Variants in MCM2 observed in about 807,000 individuals in gnomAD.
The protein encoded by MCM2 is DNA replication licensing factor MCM2.
MCM2 carries 49 observed loss-of-function variants against 86.4 expected under a neutral mutation model. The ratio of observed to expected loss-of-function variants is 0.57; its 90% CI spans 0.45 to 0.72. The LOEUF (loss-of-function observed/expected upper bound fraction) is 0.72. Ranked by LOEUF, MCM2 falls within the 30% of genes least tolerant of loss-of-function variation. The pLI, the probability that MCM2 is intolerant of heterozygous loss-of-function variation, is 0.00. For missense variants in MCM2, 1,038 were observed against 1,259.9 expected, an observed-to-expected ratio of 0.82 and a Z score of 2.67; for synonymous variants, 475 against 484.6, an observed-to-expected ratio of 0.98 and a Z score of 0.26.
At chr3:127,601,489 T>C (rs947770439) in intron 2 of MCM2, among the ~76,000 whole-genome samples, 7 of 152,154 alleles carry the variant, frequency 4.6e-5, no homozygotes, top group Non-Finnish European at 8.8e-5. Context: ...GCCTCCCAAG[T>C]AGCTGGGATC....
chr3:127,599,251 TA>T, intron 1 of MCM2, 66 bp from the exon 2 acceptor site: 1 of 1,370,706 alleles, frequency 7.3e-7, no homozygotes, highest in Non-Finnish European at 1.0e-6. Flanking sequence ...CCCCTGATGG[TA>T]AAAAGGAAGC....
chr3:127,621,651 TC>T lies in MCM2; in HGVS notation c.2605-10del, dbSNP rs1553743559. 4 of 1,589,734 alleles carry T rather than the reference TC, an allele frequency of 2.5e-6. No homozygotes were observed. Among genetic ancestry groups the T allele is most frequent in the Non-Finnish European group, 3.5e-6 (4 of 1,158,090 alleles). On this transcript the variant is annotated splice_polypyrimidine_tract_variant and intron_variant, in intron 15 of 15. Coordinates refer to ENST00000265056, the MANE Select transcript of MCM2 (RefSeq NM_004526.4). The stretch of plus-strand genomic sequence containing the variant: ...CACCACTGATGGCTCACTGGACACT[TC>T]CTCCTTGCAGGCTCGTCAGATCAAC...
chr3:127,605,009 G>A lies in MCM2; in HGVS notation c.526G>A (p.Asp176Asn), dbSNP rs760479109. 2 of 1,613,934 alleles carry A rather than the reference G, an allele frequency of 1.2e-6. No homozygotes were observed. Among genetic ancestry groups the A allele is most frequent in the African/African-American group, 2.7e-5 (2 of 74,948 alleles). Reference protein sequence around the residue: ...EMIESIENLEDLKGHSVREWV... With the variant: ...EMIESIENLENLKGHSVREWV... Reference sequence around the variant, plus strand: ...GATCGAGAGCATCGAGAACCTGGAGGATCTCAAAGGCCACTCTGTGCGCGA... The same window carrying A: ...GATCGAGAGCATCGAGAACCTGGAGAATCTCAAAGGCCACTCTGTGCGCGA... Residue 176 changes from aspartate to asparagine, a missense_variant, in exon 4 of 16, where the codon GAT becomes AAT. Physicochemically the swap from Asp to Asn is conservative, Grantham distance 23. Around this residue, in one of 4 missense-constraint regions of MCM2, gnomAD observed 300 missense variants for 307.4 expected, o/e 0.98. Transcript: ENST00000265056.
At chr3:127,612,155 A>T (rs2074403440) in intron 8 of MCM2, among the ~76,000 whole-genome samples, 3 of 152,248 alleles carry the variant, frequency 2.0e-5, no homozygotes, top group Admixed American at 1.3e-4. Context: ...GAGCTGAGGC[A>T]TAGCTGCCCT....
chr3:127,605,113 C>A lies in MCM2; in HGVS notation c.630C>A (p.His210Gln). Residue 210 changes from histidine to glutamine, a missense_variant, in exon 4 of 16, where the codon CAC becomes CAA. His to Gln is a conservative substitution (Grantham distance 24). Around this residue, in one of 4 missense-constraint regions of MCM2, gnomAD observed 399 missense variants for 507.2 expected, o/e 0.79. Coordinates refer to ENST00000265056, the MANE Select transcript of MCM2 (RefSeq NM_004526.4). The stretch of plus-strand genomic sequence containing the variant: ...TCCTGCGCACTCACGTCGACAGCCA[C>A]GGCCACAACGTCTTCAAGGAGCGCA... ...KNFLRTHVDS[H>Q]GHNVFKERIS... 6.2e-7 allele frequency: 1 copy of A among 1,614,140 alleles called. No homozygotes were observed. The highest frequency in any genetic ancestry group is 1.3e-5 in the African/African-American group (1 of 75,058).
chr3:127,601,011 C>T (rs748045694), intron 2 of MCM2, among the ~76,000 whole-genome samples: 1 of 152,116 alleles, frequency 6.6e-6, no homozygotes, highest in African/African-American at 2.4e-5. Context: ...GAGAACAGGG[C>T]CGTTTTCCCA....
chr3:127,611,895 T>G (rs1210119171), intron 8 of MCM2, among the ~76,000 whole-genome samples: 1 of 149,926 alleles, frequency 6.7e-6, no homozygotes, highest in African/African-American at 2.5e-5. Context: ...GAGACGGGGT[T>G]TCACCGTTTT....
Position 127,611,062 on chromosome 3 carries a change from A to G in MCM2, c.1428+2039A>G, listed in dbSNP as rs192563764. 7 of 428,798 alleles carry G rather than the reference A, an allele frequency of 1.6e-5. No homozygotes were observed. The East Asian group carries it at 5.0e-4, about 31-fold the overall frequency. 26.6% of individuals were successfully genotyped at this position (428,798 alleles called of 1,614,324 possible). A position where few individuals can be genotyped will look rare whatever the true frequency, so the allele number is the denominator to read the frequency against. ...TTCCCAATAATAGGAAATAGACAAG[A>G]TCTTTTCATGTAGTTTTACATGCGA... On this transcript the variant is annotated intron_variant, in intron 8 of 15. Coordinates refer to ENST00000265056, the MANE Select transcript of MCM2 (RefSeq NM_004526.4).
Position 127,617,044 on chromosome 3 carries a change from A to G in MCM2, c.1699A>G (p.Arg567Gly). The G allele has an allele frequency of 6.2e-7, 1 of 1,614,164 alleles. No homozygotes were observed. The highest frequency in any genetic ancestry group is 8.5e-7 in the Non-Finnish European group (1 of 1,180,028). ...TAYVQRHPVS[R>G]EWTLEAGALV... ...GTATGTCCAGCGGCACCCTGTCAGCAGGGAGTGGACCTTGGAGGCTGGGGC... is the reference window on the plus strand; with the variant it reads ...GTATGTCCAGCGGCACCCTGTCAGCGGGGAGTGGACCTTGGAGGCTGGGGC... Residue 567 changes from arginine (R) to glycine (G), a missense_variant, in exon 10 of 16, where the codon AGG (arginine) becomes GGG (glycine). Arg to Gly is a moderately radical substitution (Grantham distance 125). Transcript: ENST00000265056. This position sits in a 1 kb window ranked among gnomAD's most constrained non-coding sequence, Gnocchi z 4.1.
Position 127,617,119 on chromosome 3 carries a change from G to A in MCM2, c.1773+1G>A. 6.2e-7 allele frequency: 1 copy of A among 1,612,630 alleles called. No homozygotes were observed. Among genetic ancestry groups the A allele is most frequent in the Non-Finnish European group, 8.5e-7 (1 of 1,178,856 alleles). On this transcript the variant is annotated splice_donor_variant, in intron 10 of 15. Transcript: ENST00000265056. LOFTEE classifies it high-confidence loss of function. This position sits in a 1 kb window ranked among gnomAD's most constrained non-coding sequence, Gnocchi z 4.1. ...GTGTCTCATTGATGAATTTGACAAG[G>A]TGGGTCCCTGGGTCACGGAGGCTGG...
At chr3:127,605,972 G>T in intron 4 of MCM2, 146 bp from the exon 5 acceptor site, 1 of 643,110 alleles carries the variant, frequency 1.6e-6, no homozygotes, top group Non-Finnish European at 2.8e-6. Flanking sequence ...CAGCTGAAGT[G>T]TGGTAGACCT....
At position 127,606,688 on chromosome 3, in the gene MCM2, G is replaced by A; in HGVS notation, c.972G>A (p.Met324Ile). 1 of 1,614,240 alleles carries A rather than the reference G, an allele frequency of 6.2e-7. No individual in the cohort carries two copies. The highest frequency in any genetic ancestry group is 8.5e-7 in the Non-Finnish European group (1 of 1,180,040). Residue 324 changes from methionine (M) to isoleucine (I), a missense_variant, in exon 6 of 16, where the codon ATG becomes ATA. Physicochemically the swap from Met to Ile is conservative, Grantham distance 10 (BLOSUM62 1). Transcript: ENST00000265056. The surrounding 1 kb of genome is among the most constrained non-coding windows in gnomAD (Gnocchi z 4.2). ...SCTGVLPQLSMVKYNCNKCNF... is the reference protein window; with the variant it reads ...SCTGVLPQLSIVKYNCNKCNF... ...CTGGCGTCCTGCCCCAGCTCAGCAT[G>A]GTCAAGTACAACTGCAACAAGTGCA... is the stretch of plus-strand genomic sequence containing the variant.
At position 127,606,228 on chromosome 3, in the gene MCM2, G is replaced by A; in HGVS notation, c.784G>A (p.Ala262Thr). The A allele has an allele frequency of 1.2e-6, 2 of 1,614,210 alleles. No homozygotes were observed. The highest frequency in any genetic ancestry group is 2.2e-5 in the South Asian group (2 of 91,076). ...GGAGCTGCTGCAGATCTTTGATGAG[G>A]CTGCCCTGGAGGTGGTACTGGCCAT... ...PAELLQIFDE[A>T]ALEVVLAMYP... Residue 262 changes from alanine to threonine, a missense_variant, in exon 5 of 16, where the codon GCT becomes ACT. Coordinates refer to ENST00000265056, the MANE Select transcript of MCM2 (RefSeq NM_004526.4). The surrounding 1 kb of genome is among the most constrained non-coding windows in gnomAD (Gnocchi z 4.2).
chr3:127,612,620 C>G (rs1358596414), intron 8 of MCM2, among the ~76,000 whole-genome samples: 5 of 152,204 alleles, frequency 3.3e-5, no homozygotes, highest in African/African-American at 7.2e-5. Flanking sequence ...ACAAAAATAG[C>G]TTTGAGCCTG....
chr3:127,606,365 G>A lies in MCM2; in HGVS notation c.893+28G>A. ...GAGCTGAGGGCAGGTGAGGATGGCA[G>A]GTCCGAGCTCAGTGCTGGGTGACTC... On this transcript the variant is annotated intron_variant, in intron 5 of 15. Transcript: ENST00000265056. This position sits in a 1 kb window ranked among gnomAD's most constrained non-coding sequence, Gnocchi z 4.2. 1 of 1,609,100 alleles carries A rather than the reference G, an allele frequency of 6.2e-7. No individual in the cohort carries two copies. The highest frequency in any genetic ancestry group is 8.5e-7 in the Non-Finnish European group (1 of 1,175,808).
At chr3:127,611,270 C>T (rs577751618) in intron 8 of MCM2, among the ~76,000 whole-genome samples, 2 of 152,322 alleles carry the variant, frequency 1.3e-5, no homozygotes, top group African/African-American at 2.4e-5. Context: ...CCTAAGCAGC[C>T]GGGCCACCTG....
chr3:127,606,622 G>C lies in MCM2; in HGVS notation c.906G>C (p.Leu302=). Residue 302 remains leucine (L), a synonymous_variant, in exon 6 of 16, where the codon CTG becomes CTC. Coordinates refer to ENST00000265056, the MANE Select transcript of MCM2 (RefSeq NM_004526.4). This position sits in a 1 kb window ranked among gnomAD's most constrained non-coding sequence, Gnocchi z 4.2. ...EELRSLRQLH[L]NQLIRTSGVV... is the part of the protein sequence containing the mutation. ...TCTGCCTCCGCAGGCAGCTGCATCTGAACCAGCTGATCCGCACCAGTGGGG... is the reference window on the plus strand; with the variant it reads ...TCTGCCTCCGCAGGCAGCTGCATCTCAACCAGCTGATCCGCACCAGTGGGG... The C allele has an allele frequency of 6.2e-7, 1 of 1,614,034 alleles. No individual in the cohort carries two copies. Among genetic ancestry groups the C allele is most frequent in the Non-Finnish European group, 8.5e-7 (1 of 1,180,012 alleles).
At chr3:127,598,764 A>G (rs2074278154) in intron 1 of MCM2, 1 of 487,726 alleles carries the variant, frequency 2.1e-6, no homozygotes, top group Non-Finnish European at 3.6e-6. Flanking sequence ...TACAAAAGAC[A>G]GGCCCCCATT....
At chr3:127,610,672 T>A (rs775402191) in intron 8 of MCM2, 42 of 416,388 alleles carry the variant, frequency 1.0e-4, no homozygotes, top group Non-Finnish European at 1.7e-4. Context: ...TCAAGTGTAT[T>A]GCGTGTCTTT....
Sources: allele counts gnomAD v4.1 joint callset (sites outside exome capture counted in the v4.1 genomes callset), GRCh38; gene constraint gnomAD v4.1.1; regional missense constraint gnomAD v4.1.1; non-coding constraint Gnocchi (gnomAD v3.1); transcripts MANE v1.5; gene names NCBI Gene and HGNC (gene_info 2026-07-23, HGNC 2026-07-21).